The following CSMD1 variants were observed in gnomAD, a reference collection of about 807,000 sequenced individuals.
CSMD1 encodes the protein CUB and sushi domain-containing protein 1.
Under a neutral mutation model 417.5 loss-of-function variants are expected in CSMD1, and 213 were observed. That is an observed-to-expected ratio of 0.51 (90% CI 0.46 to 0.57). The LOEUF (loss-of-function observed/expected upper bound fraction) is 0.57, where lower values mean the gene tolerates loss of function less well. Among genes scored for constraint, CSMD1 ranks in the 20% least tolerant of loss-of-function variants. The pLI, the probability that CSMD1 is intolerant of heterozygous loss-of-function variation, is 0.00. For missense variants in CSMD1, 6,923 were observed against 4,529.7 expected (o/e 1.53, Z -15.17); for synonymous variants, 2,862 against 1,736.8 (o/e 1.65, Z -16.11).
At position 3,156,945 on chromosome 8, in the gene CSMD1, G is replaced by C. The variant is rs564878397; in HGVS notation, c.5914+952C>G. 2.1e-5 allele frequency among the ~76,000 whole-genome samples: 3 copies of C among 140,334 alleles called. No homozygotes were observed. In the Admixed American group the frequency reaches 2.2e-4, roughly 10 times the overall value. The allele number at this position is 140,334 out of a possible 152,430, so 92.1% of individuals were successfully genotyped here. On this transcript the variant is annotated intron_variant, in intron 39 of 69. Transcript: ENST00000635120. ...GAGAAGTCACTTGGATTTAGGGAGT[G>C]AGGGAGAAATTTAAGGTAATACCCA...
At chr8:3,331,603 T>C (rs572262685) in intron 23 of CSMD1, among the ~76,000 whole-genome samples, 2 of 152,292 alleles carry the variant, frequency 1.3e-5, no homozygotes, top group South Asian at 4.1e-4. Flanking sequence ...ACTTTGGAGA[T>C]AAAATGAGAC....
intron 3 of CSMD1, among the ~76,000 whole-genome samples, chr8:4,035,390 A>G (rs1007685635): frequency 6.6e-6 from 1 of 152,204 alleles, no homozygotes; most frequent in Non-Finnish European, 1.5e-5. Flanking sequence ...TGCTTCTTCT[A>G]CTAAAAAAAA....
Position 3,689,834 on chromosome 8 carries a change from G to A in CSMD1, c.1009+18580C>T, listed in dbSNP as rs79799921. Among the ~76,000 whole-genome samples the A allele has an allele frequency of 2.1e-4, 32 of 152,292 alleles. 1 individual carries two copies. The East Asian group carries it at 6.2e-3, about 29-fold the overall frequency. Reference sequence around the variant, plus strand: ...AGACACCATGATTCCAAACTACTGGGCTCAGAAAGAACATGAGCTTTAAAT... The same window carrying A: ...AGACACCATGATTCCAAACTACTGGACTCAGAAAGAACATGAGCTTTAAAT... On this transcript the variant is annotated intron_variant, in intron 7 of 69. Transcript: ENST00000635120.
intron 3 of CSMD1, among the ~76,000 whole-genome samples, chr8:4,365,856 A>C (rs2128909880): frequency 6.6e-6 from 1 of 152,336 alleles, no homozygotes; most frequent in South Asian, 2.1e-4. Context: ...AACATCACTA[A>C]AAATCTACTT....
chr8:4,069,671 G>C (rs527958354), intron 3 of CSMD1, among the ~76,000 whole-genome samples: 1 of 152,154 alleles, frequency 6.6e-6, no homozygotes, highest in South Asian at 2.1e-4. Flanking sequence ...CTGTTTCTCC[G>C]ACTGGATTGC....
intron 2 of CSMD1, among the ~76,000 whole-genome samples, chr8:4,610,839 C>T (rs1801130154): frequency 1.3e-5 from 2 of 152,128 alleles, no homozygotes; most frequent in African/African-American, 4.8e-5. Context: ...TAAACAACTG[C>T]ATGTGTGGCG....
intron 10 of CSMD1, among the ~76,000 whole-genome samples, chr8:3,532,274 C>T (rs1199929472): frequency 6.6e-6 from 1 of 152,152 alleles, no homozygotes; most frequent in Non-Finnish European, 1.5e-5. Context: ...GGCCACTTCA[C>T]ATGATTCTGC....
intron 3 of CSMD1, among the ~76,000 whole-genome samples, chr8:4,090,096 C>T (rs932836053): frequency 1.3e-5 from 2 of 152,290 alleles, no homozygotes; most frequent in Non-Finnish European, 2.9e-5. Context: ...CACTTAAATA[C>T]ACCTTTTGCT....
chr8:4,853,240 A>G (rs942844768), intron 1 of CSMD1, among the ~76,000 whole-genome samples: 1 of 152,192 alleles, frequency 6.6e-6, no homozygotes, highest in Non-Finnish European at 1.5e-5. Flanking sequence ...TCAGAGATCT[A>G]TGAGGCAGCC....
chr8:3,774,854 T>C (rs1798813405), intron 5 of CSMD1, among the ~76,000 whole-genome samples: 1 of 152,188 alleles, frequency 6.6e-6, no homozygotes, highest in African/African-American at 2.4e-5. Flanking sequence ...TACCAGTGGA[T>C]GCCTGAAACC....
intron 3 of CSMD1, among the ~76,000 whole-genome samples, chr8:4,401,020 A>C (rs1230126622): frequency 6.6e-6 from 1 of 152,136 alleles, no homozygotes; most frequent in East Asian, 1.9e-4. Flanking sequence ...TCCATTTAAA[A>C]TCTGAAAGTT....
chr8:3,432,581 C>T (rs1334115582), intron 12 of CSMD1, among the ~76,000 whole-genome samples: 2 of 134,032 alleles, frequency 1.5e-5, no homozygotes, highest in Non-Finnish European at 3.0e-5. Flanking sequence ...GCGATCTTGG[C>T]TCACTGCAAC....
At chr8:3,544,553 G>A (rs1429447274) in intron 10 of CSMD1, among the ~76,000 whole-genome samples, 1 of 151,954 alleles carries the variant, frequency 6.6e-6, no homozygotes, top group African/African-American at 2.4e-5. Flanking sequence ...ATTGTTTCTT[G>A]CATGAGATCC....
chr8:4,543,838 G>A (rs1375281932), intron 2 of CSMD1, among the ~76,000 whole-genome samples: 1 of 152,078 alleles, frequency 6.6e-6, no homozygotes, highest in Non-Finnish European at 1.5e-5. Context: ...CTAGGAATGT[G>A]GTGGTATCTG....
intron 6 of CSMD1, among the ~76,000 whole-genome samples, chr8:3,737,570 C>A (rs371171554): frequency 5.2e-4 from 78 of 151,272 alleles, no homozygotes; most frequent in African/African-American, 9.6e-4. Context: ...TAGCATATAT[C>A]CTCCTATGTC....
At chr8:3,445,619 G>C (rs997957513) in intron 12 of CSMD1, among the ~76,000 whole-genome samples, 4 of 152,088 alleles carry the variant, frequency 2.6e-5, no homozygotes, top group African/African-American at 7.2e-5. Context: ...GGCCAGAAGA[G>C]AGGCCATTCA....
intron 25 of CSMD1, among the ~76,000 whole-genome samples, chr8:3,299,344 C>A (rs1044673333): frequency 6.6e-6 from 1 of 152,056 alleles, no homozygotes; most frequent in East Asian, 1.9e-4. Context: ...CCCAGCTACT[C>A]AGGAGGCTCA....
At chr8:3,805,181 C>G (rs1306862278) in intron 5 of CSMD1, among the ~76,000 whole-genome samples, 1 of 152,088 alleles carries the variant, frequency 6.6e-6, no homozygotes, top group Non-Finnish European at 1.5e-5. Context: ...ACAATATTCC[C>G]CAGGACTACA....
chr8:3,997,426 G>T (rs1000231733), intron 5 of CSMD1, among the ~76,000 whole-genome samples: 1 of 152,130 alleles, frequency 6.6e-6, no homozygotes, highest in Admixed American at 6.6e-5. Flanking sequence ...TGCCTTTGAG[G>T]ATCTTGTAGC....
Sources: allele counts gnomAD v4.1 joint callset (sites outside exome capture counted in the v4.1 genomes callset), GRCh38; gene constraint gnomAD v4.1.1; transcripts MANE v1.5; gene names NCBI Gene and HGNC (gene_info 2026-07-23, HGNC 2026-07-21).